Variants in GPR89B observed in about 807,000 individuals in gnomAD.
GPR89B encodes the protein G protein-coupled receptor 89B.
Under a neutral mutation model 52.4 loss-of-function variants are expected in GPR89B, and 25 were observed. The ratio of observed to expected loss-of-function variants is 0.48; its 90% confidence interval spans 0.35 to 0.67. The LOEUF (loss-of-function observed/expected upper bound fraction) is 0.67. GPR89B is among the 30% of genes least tolerant of loss of function. The pLI is 0.01. For synonymous variants in GPR89B, 52 were observed against 151.2 expected (o/e 0.34, Z 4.81); for missense variants, 146 against 450.2 (o/e 0.32, Z 6.11).
intron 7 of GPR89B, among the ~76,000 whole-genome samples, chr1:147,966,314 G>A (rs1335525312): frequency 6.8e-6 from 1 of 146,286 alleles, no homozygotes; most frequent in Non-Finnish European, 1.5e-5. Flanking sequence ...CTTCCAAATA[G>A]CAGAGCCAGT....
intron 7 of GPR89B, among the ~76,000 whole-genome samples, chr1:147,964,621 A>G (rs1478152700): frequency 6.6e-6 from 1 of 151,888 alleles, no homozygotes; most frequent in African/African-American, 2.4e-5. Flanking sequence ...TTTTTCATCT[A>G]CAACTTATTT....
Position 147,928,466 on chromosome 1 carries a change from G to T in GPR89B, c.-71G>T. ...GGGAGAAGGCAGACCGTGTGAGGGG[G>T]CCTGTGGCCCCAGCGTGCTGTGGCC... On this transcript the variant is annotated 5_prime_UTR_variant, in exon 1 of 14. Transcript: ENST00000314163. The T allele has an allele frequency of 6.3e-7, 1 of 1,582,552 alleles. No individual in the cohort carries two copies. The highest frequency in any genetic ancestry group is 8.7e-7 in the Non-Finnish European group (1 of 1,152,224).
intron 7 of GPR89B, among the ~76,000 whole-genome samples, chr1:147,958,997 A>C (rs1303497254): frequency 7.9e-5 from 12 of 152,358 alleles, no homozygotes; most frequent in African/African-American, 2.6e-4. Flanking sequence ...GTTGTTTACA[A>C]GTGGTTTTAC....
At chr1:147,956,676 A>T (rs1656136808) in intron 7 of GPR89B, among the ~76,000 whole-genome samples, 1 of 152,094 alleles carries the variant, frequency 6.6e-6, no homozygotes, top group African/African-American at 2.4e-5. Context: ...AAATGGAAAG[A>T]TATCCCATGT....
At chr1:148,013,586 G>C in the GPR89B span, among the ~76,000 whole-genome samples, 1 of 151,972 alleles carries the variant, frequency 6.6e-6, no homozygotes, top group African/African-American at 2.4e-5. Context: ...AATGCCTCCC[G>C]TTCCCTGAGG....
downstream of GPR89B, among the ~76,000 whole-genome samples, chr1:147,997,172 G>C (rs1659334437): frequency 6.6e-6 from 1 of 152,130 alleles, no homozygotes; most frequent in African/African-American, 2.4e-5. Flanking sequence ...CTTTCGGTAA[G>C]ATGGTCTTCA....
chr1:147,970,491 A>ATCTCTCTC (rs1174595676), intron 10 of GPR89B, among the ~76,000 whole-genome samples: 2,251 of 105,556 alleles, frequency 0.021, 27 homozygotes, highest in Non-Finnish European at 0.029. Context: ...GTGAGACTCC[A>ATCTCTCTC]TCTCTCTCTC....
the GPR89B span, among the ~76,000 whole-genome samples, chr1:148,008,968 A>T: frequency 1.3e-5 from 2 of 152,178 alleles, no homozygotes; most frequent in African/African-American, 4.8e-5. Flanking sequence ...TATTATGAAG[A>T]ATCTCATTTT....
At chr1:147,996,290 A>G (rs1196819065), downstream of GPR89B, among the ~76,000 whole-genome samples, 1 of 149,640 alleles carries the variant, frequency 6.7e-6, no homozygotes, top group Non-Finnish European at 1.5e-5. Context: ...AGTTCAGTCA[A>G]CTCACACTGT....
chr1:147,949,377 G>A (rs1336889121), intron 5 of GPR89B, among the ~76,000 whole-genome samples: 3 of 142,596 alleles, frequency 2.1e-5, no homozygotes, highest in Non-Finnish European at 4.6e-5. Context: ...CGGGTGGCTG[G>A]CTGGGCGGGG....
At chr1:147,981,752 A>G (rs1232364067) in intron 10 of GPR89B, among the ~76,000 whole-genome samples, 2 of 151,590 alleles carry the variant, frequency 1.3e-5, no homozygotes, top group South Asian at 4.1e-4. Flanking sequence ...TCCTGGGTTC[A>G]AGCGATTCTC....
At chr1:147,998,654 C>T in the GPR89B span, among the ~76,000 whole-genome samples, 2 of 151,352 alleles carry the variant, frequency 1.3e-5, no homozygotes, top group African/African-American at 2.4e-5. Context: ...ACAAGGTGGG[C>T]GGATCACTTG....
chr1:147,951,381 A>G lies in GPR89B; in HGVS notation c.416-1964A>G, dbSNP rs187194729. Among the ~76,000 whole-genome samples, 584 of 152,244 alleles carry G rather than the reference A, an allele frequency of 3.8e-3. 1 individual carries two copies. Among genetic ancestry groups the G allele is most frequent in the Middle Eastern group, 6.8e-3 (2 of 294 alleles). ...TTACTAGTGAAAGTAATTTCATTCA[A>G]TAAAGAAGAATGGGAAGAAAGCTGG... is the stretch of plus-strand genomic sequence containing the variant. On this transcript the variant is annotated intron_variant, in intron 5 of 13. Coordinates refer to ENST00000314163, the MANE Select transcript of GPR89B (RefSeq NM_016334.5).
rs1428056287 is a variant in GPR89B at position 147,944,043 on chromosome 1, T to C, written c.360T>C (p.Phe120=). 1 of 1,576,944 alleles carries C rather than the reference T, an allele frequency of 6.3e-7. No homozygotes were observed. Among genetic ancestry groups the C allele is most frequent in the Non-Finnish European group, 8.6e-7 (1 of 1,167,214 alleles). Residue 120 remains phenylalanine, a synonymous_variant, in exon 5 of 14, where the codon TTT becomes TTC. Transcript: ENST00000314163. ...LLFSCLLWLT[F]MYFFWKLGDP... Reference sequence around the variant, plus strand: ...TTTCCTGTCTCTTATGGCTGACCTTTATGTATTTCTTCTGGAAACTAGGAG... The same window carrying C: ...TTTCCTGTCTCTTATGGCTGACCTTCATGTATTTCTTCTGGAAACTAGGAG...
rs1468568555 is a variant in GPR89B at position 147,958,523 on chromosome 1, C to T, written c.617+4121C>T. ...GCATAGTGGTGCATGCCTGTAATCC[C>T]AGCTACTTTGGGAGGCTGAGGCAGG... On this transcript the variant is annotated intron_variant, in intron 7 of 13. Coordinates refer to ENST00000314163, the MANE Select transcript of GPR89B (RefSeq NM_016334.5). Among the ~76,000 whole-genome samples, 19 of 52,434 alleles carry T rather than the reference C, an allele frequency of 3.6e-4. No individual in the cohort carries two copies. In the African/African-American group the frequency reaches 3.9e-3, roughly 11 times the overall value. 34.4% of individuals were successfully genotyped at this position (52,434 alleles called of 152,430 possible). A position where few individuals can be genotyped will look rare whatever the true frequency, so the allele number is the denominator to read the frequency against.
At chr1:148,025,523 C>CAAAAAA in the GPR89B span, among the ~76,000 whole-genome samples, 15 of 29,682 alleles carry the variant, frequency 5.1e-4, no homozygotes, top group African/African-American at 9.4e-4. Context: ...AACTCTGTCT[C>CAAAAAA]AAAAAAAAAA....
chr1:148,001,908 C>T, the GPR89B span, among the ~76,000 whole-genome samples: 86 of 152,100 alleles, frequency 5.7e-4, no homozygotes, highest in African/African-American at 2.0e-3. Context: ...AAGAACAAAA[C>T]CCAAAACTTT....
the GPR89B span, among the ~76,000 whole-genome samples, chr1:148,020,725 C>T: frequency 2.6e-4 from 39 of 152,100 alleles, no homozygotes; most frequent in East Asian, 5.0e-3. Context: ...CTCTGTCTGG[C>T]CCCCCAGATT....
At chr1:147,940,178 C>G (rs868995882) in intron 3 of GPR89B, among the ~76,000 whole-genome samples, 6 of 151,914 alleles carry the variant, frequency 3.9e-5, no homozygotes, top group Admixed American at 2.6e-4. Flanking sequence ...CCAAGGCGGG[C>G]GGATCACGAG....
Sources: allele counts gnomAD v4.1 joint callset (sites outside exome capture counted in the v4.1 genomes callset), GRCh38; gene constraint gnomAD v4.1.1; transcripts MANE v1.5; gene names NCBI Gene and HGNC (gene_info 2026-07-23, HGNC 2026-07-21).